Variants in SCAPER observed in about 807,000 individuals in gnomAD.
SCAPER encodes the protein S-phase cyclin A associated protein in the ER.
SCAPER carries 98 observed loss-of-function variants against 182.2 expected under a neutral mutation model. The ratio of observed to expected loss-of-function variants is 0.54; its 90% confidence interval spans 0.46 to 0.64. The LOEUF is 0.64. SCAPER is among the 30% of genes least tolerant of loss of function. SCAPER has a pLI of 0.00. For synonymous variants in SCAPER, 605 were observed against 564.6 expected, an observed-to-expected ratio of 1.07 and a Z score of -1.01; for missense variants, 1,432 against 1,690.0, an observed-to-expected ratio of 0.85 and a Z score of 2.68.
chr15:76,765,003 T>C lies in SCAPER; in HGVS notation c.1683A>G (p.Leu561=). ...GAAGCTTCAATGTTTTCTCTTCGCG[T>C]AACTTTTCCCTTAGCTGCTGTGCTT... The part of the protein sequence containing the change: ...QMKAQQLREK[L]REEKTLKLQK... Residue 561 remains leucine, a synonymous_variant, in exon 14 of 32, where the codon TTA becomes TTG. Transcript: ENST00000563290. 2 of 1,603,574 alleles carry C rather than the reference T, an allele frequency of 1.2e-6. No homozygotes were observed. Among genetic ancestry groups the C allele is most frequent in the South Asian group, 1.1e-5 (1 of 89,016 alleles).
intron 17 of SCAPER, among the ~76,000 whole-genome samples, chr15:76,706,229 A>G (rs1180179588): frequency 1.3e-5 from 2 of 152,226 alleles, no homozygotes; most frequent in African/African-American, 4.8e-5. Context: ...TAGCTCAAAG[A>G]CTGTCATTTA....
At chr15:76,349,131 T>C (rs1398243125) in intron 31 of SCAPER, 3 of 155,104 alleles carry the variant, frequency 1.9e-5, no homozygotes, top group Non-Finnish European at 2.9e-5. Flanking sequence ...AGGCTATAGT[T>C]TGCTATGATC....
At chr15:76,639,261 C>G (rs2053901741) in intron 21 of SCAPER, among the ~76,000 whole-genome samples, 1 of 152,018 alleles carries the variant, frequency 6.6e-6, no homozygotes, top group Non-Finnish European at 1.5e-5. Flanking sequence ...TGATTGGGCT[C>G]CTAAAGGTCA....
chr15:76,735,727 A>G (rs1021551818), intron 15 of SCAPER, among the ~76,000 whole-genome samples: 7 of 151,870 alleles, frequency 4.6e-5, no homozygotes, highest in Non-Finnish European at 8.8e-5. Flanking sequence ...AGAAAAAAAG[A>G]TAAGAAAAGA....
intron 23 of SCAPER, among the ~76,000 whole-genome samples, chr15:76,571,662 C>T (rs534623048): frequency 1.1e-3 from 170 of 152,262 alleles, no homozygotes; most frequent in Non-Finnish European, 2.0e-3. Context: ...CGTCAAGATT[C>T]ATCTCTCACC....
At chr15:76,894,108 T>C (rs1202777701) in intron 1 of SCAPER, among the ~76,000 whole-genome samples, 1 of 152,094 alleles carries the variant, frequency 6.6e-6, no homozygotes, top group Non-Finnish European at 1.5e-5. Context: ...AAAAATTAGC[T>C]GGGTGCAGTG....
At chr15:76,579,879 T>G (rs528680719) in intron 22 of SCAPER, among the ~76,000 whole-genome samples, 37 of 152,276 alleles carry the variant, frequency 2.4e-4, no homozygotes, top group Non-Finnish European at 4.1e-4. Context: ...GCTATACTTA[T>G]GTCAGAAAAA....
rs757568205 is a variant in SCAPER, at chr15:76,665,793, C to T, written c.2509-4G>A. 60 of 1,498,374 alleles carry T rather than the reference C, an allele frequency of 4.0e-5. No individual in the cohort carries two copies. The highest frequency in any genetic ancestry group is 5.1e-5 in the Non-Finnish European group (57 of 1,127,172). The allele number at this position is 1,498,374 out of a possible 1,614,324, so 92.8% of individuals were successfully genotyped here. A position where few individuals can be genotyped will look rare whatever the true frequency, so the allele number is the denominator to read the frequency against. On this transcript the variant is annotated splice_polypyrimidine_tract_variant and splice_region_variant and intron_variant, in intron 20 of 31. Transcript: ENST00000563290. ...ACTTCTTCAAGGAAAGATGCTCCTG[C>T]AAGATAAATAAATAAAATAATAATA...
intron 26 of SCAPER, among the ~76,000 whole-genome samples, chr15:76,412,963 G>C (rs2045397422): frequency 6.6e-6 from 1 of 151,934 alleles, no homozygotes; most frequent in South Asian, 2.1e-4. Context: ...TTACTCAGAG[G>C]TATTTGATAT....
At chr15:76,708,421 T>C (rs1420100784) in intron 17 of SCAPER, among the ~76,000 whole-genome samples, 1 of 150,946 alleles carries the variant, frequency 6.6e-6, no homozygotes, top group Non-Finnish European at 1.5e-5. Context: ...AGAAAAAAAG[T>C]ATACCTTTAA....
At chr15:76,501,025 G>T (rs532285255) in intron 24 of SCAPER, among the ~76,000 whole-genome samples, 1 of 149,430 alleles carries the variant, frequency 6.7e-6, no homozygotes, top group Non-Finnish European at 1.5e-5. Context: ...CCTGGGTGAC[G>T]GAGTAAAACC....
intron 2 of SCAPER, among the ~76,000 whole-genome samples, chr15:76,883,205 T>C (rs1426168709): frequency 6.6e-6 from 1 of 152,182 alleles, no homozygotes; most frequent in Non-Finnish European, 1.5e-5. Flanking sequence ...GTGCTTTTGA[T>C]TAAGGTTGGT....
intron 25 of SCAPER, among the ~76,000 whole-genome samples, chr15:76,470,616 G>T (rs1406016343): frequency 6.6e-6 from 1 of 152,132 alleles, no homozygotes; most frequent in East Asian, 1.9e-4. Flanking sequence ...AACTCCTGGC[G>T]ACTGCAGTTG....
Position 76,705,989 on chromosome 15 carries a change from A to G in SCAPER, c.2166-5T>C. On this transcript the variant is annotated splice_polypyrimidine_tract_variant and splice_region_variant and intron_variant, in intron 17 of 31. Coordinates refer to ENST00000563290, the MANE Select transcript of SCAPER (RefSeq NM_020843.4). ...GCCAATCGTTCTTCCCTGTCTCTGT[A>G]AGAAGACAGTAAAAATTATAAACTC... 3 of 1,539,574 alleles carry G rather than the reference A, an allele frequency of 1.9e-6. No individual in the cohort carries two copies. The highest frequency in any genetic ancestry group is 2.6e-6 in the Non-Finnish European group (3 of 1,145,906).
chr15:76,524,691 T>C (rs2043063819), intron 23 of SCAPER, among the ~76,000 whole-genome samples: 1 of 25,878 alleles, frequency 3.9e-5, no homozygotes, highest in Non-Finnish European at 9.3e-5. Context: ...TTTGTTCTGT[T>C]TTTTTTTTTT....
At chr15:76,767,195 T>C in intron 10 of SCAPER, 107 bp from the exon 11 acceptor site, 1 of 1,047,422 alleles carries the variant, frequency 9.5e-7, no homozygotes, top group South Asian at 1.6e-5. Context: ...AAAATTGTAT[T>C]GATCTAGAAT....
intron 14 of SCAPER, 144 bp from the exon 15 acceptor site, chr15:76,754,092 T>C (rs1049866443): frequency 2.2e-6 from 2 of 906,472 alleles, no homozygotes; most frequent in African/African-American, 1.7e-5. Flanking sequence ...GGACACAGAC[T>C]ATGAAGCCAG....
chr15:76,568,560 T>A (rs1049397741), intron 23 of SCAPER, among the ~76,000 whole-genome samples: 3 of 152,180 alleles, frequency 2.0e-5, no homozygotes, highest in Non-Finnish European at 4.4e-5. Flanking sequence ...TTTCGCCATG[T>A]TGGCCAGGCT....
intron 23 of SCAPER, among the ~76,000 whole-genome samples, chr15:76,524,552 A>G (rs947048970): frequency 1.3e-5 from 2 of 152,058 alleles, no homozygotes; most frequent in African/African-American, 4.8e-5. Flanking sequence ...ATCTTACTGC[A>G]TATTTTTGAC....
Sources: allele counts gnomAD v4.1 joint callset (sites outside exome capture counted in the v4.1 genomes callset), GRCh38; gene constraint gnomAD v4.1.1; transcripts MANE v1.5; gene names NCBI Gene and HGNC (gene_info 2026-07-23, HGNC 2026-07-21).